The following VAPB variants were observed in gnomAD, a reference collection of about 807,000 sequenced individuals.
The protein encoded by VAPB is vesicle-associated membrane protein-associated protein B/C.
Under a neutral mutation model 25.6 loss-of-function variants are expected in VAPB, and 7 were observed. That is an observed-to-expected ratio of 0.27 (90% confidence interval 0.16 to 0.51). The LOEUF (loss-of-function observed/expected upper bound fraction) is 0.51, where lower values mean the gene tolerates loss of function less well. Ranked by LOEUF, VAPB falls within the 20% of genes least tolerant of loss-of-function variation. The pLI is 0.97. For missense variants in VAPB, 266 were observed against 301.3 expected (o/e 0.88, Z 0.87); for synonymous variants, 112 against 109.2 (o/e 1.03, Z -0.16).
chr20:58,419,387 T>C (rs1231992532), intron 2 of VAPB, among the ~76,000 whole-genome samples: 1 of 152,236 alleles, frequency 6.6e-6, no homozygotes, highest in Non-Finnish European at 1.5e-5. Context: ...TCTCCCCCTG[T>C]GCTTCTCTTG....
At chr20:58,399,300 CAA>C (rs917896382) in intron 1 of VAPB, among the ~76,000 whole-genome samples, 3 of 120,790 alleles carry the variant, frequency 2.5e-5, no homozygotes, top group African/African-American at 6.2e-5. Flanking sequence ...AACTCCGTCT[CAA>C]AAAAAAAAAA....
At position 58,389,262 on chromosome 20, in the gene VAPB, G is replaced by T; in HGVS notation, c.-198G>T. The T allele has an allele frequency of 1.5e-6, 1 of 672,422 alleles. No individual in the cohort carries two copies. The highest frequency in any genetic ancestry group is 2.7e-6 in the Non-Finnish European group (1 of 373,036). 41.7% of individuals were successfully genotyped at this position (672,422 alleles called of 1,614,324 possible). On this transcript the variant is annotated 5_prime_UTR_variant, in exon 1 of 6. Transcript: ENST00000475243. Reference sequence around the variant, plus strand: ...TCAGCTCGCCGGGCACCGCGGCCTCGCCCTCGCCCTCCGCCCCTGCGCCTG... The same window carrying T: ...TCAGCTCGCCGGGCACCGCGGCCTCTCCCTCGCCCTCCGCCCCTGCGCCTG...
At chr20:58,411,137 C>G (rs1422068143) in intron 1 of VAPB, among the ~76,000 whole-genome samples, 1 of 152,212 alleles carries the variant, frequency 6.6e-6, no homozygotes. Context: ...CACCGTTTTT[C>G]ATTCCCACCA....
chr20:58,434,646 C>G lies in VAPB; in HGVS notation c.256C>G (p.His86Asp). The G allele has an allele frequency of 6.2e-7, 1 of 1,601,260 alleles. No individual in the cohort carries two copies. Among genetic ancestry groups the G allele is most frequent in the Non-Finnish European group, 8.6e-7 (1 of 1,168,710 alleles). ...TTATGATCCCAATGAGAAAAGTAAA[C>G]ACAAGTTTATGGTTCAGTCTATGTT... ...FDYDPNEKSKHKFMVQSMFAP... is the reference protein window; with the variant it reads ...FDYDPNEKSKDKFMVQSMFAP... The change falls in exon 3 of 6, where the codon CAC (histidine) becomes GAC (aspartate). Residue 86 changes from histidine to aspartate, a missense_variant. Around this residue, in one of 3 missense-constraint regions of VAPB, gnomAD observed 98 missense variants for 147.1 expected, o/e 0.67. Transcript: ENST00000475243.
Position 58,434,108 on chromosome 20 carries a change from A to T in VAPB, c.212-494A>T, listed in dbSNP as rs560280391. Among the ~76,000 whole-genome samples the T allele has an allele frequency of 5.3e-5, 8 of 152,306 alleles. No homozygotes were observed. In the South Asian group the frequency reaches 1.5e-3, roughly 28 times the overall value. ...CTGATTGTAAAAATTTTCTAGCTTT[A>T]TGTTGGCAAAATTGTATTTCAAGGA... On this transcript the variant is annotated intron_variant, in intron 2 of 5. Coordinates refer to ENST00000475243, the MANE Select transcript of VAPB (RefSeq NM_004738.5).
rs1172185375 is a variant in VAPB at position 58,450,405 on chromosome 20, A to G, written c.*6170A>G. On this transcript the variant is annotated 3_prime_UTR_variant, in exon 6 of 6. Coordinates refer to ENST00000475243, the MANE Select transcript of VAPB (RefSeq NM_004738.5). Reference sequence around the variant, plus strand: ...GCGAAATTAGTGGGCGTGGCTTTTTATATTTTTCATTCGTGTGTAGCCTAA... The same window carrying G: ...GCGAAATTAGTGGGCGTGGCTTTTTGTATTTTTCATTCGTGTGTAGCCTAA... 2.2e-6 allele frequency: 1 copy of G among 454,004 alleles called. No individual in the cohort carries two copies. The highest frequency in any genetic ancestry group is 6.9e-5 in the East Asian group (1 of 14,398). The allele number at this position is 454,004 out of a possible 1,614,324, so 28.1% of individuals were successfully genotyped here. A position where few individuals can be genotyped will look rare whatever the true frequency, so the allele number is the denominator to read the frequency against.
intron 3 of VAPB, among the ~76,000 whole-genome samples, chr20:58,436,769 A>G (rs1488214780): frequency 6.6e-6 from 1 of 152,172 alleles, no homozygotes; most frequent in Non-Finnish European, 1.5e-5. Flanking sequence ...TCTGTCACAA[A>G]CTTTCTTATT....
intron 1 of VAPB, among the ~76,000 whole-genome samples, chr20:58,413,890 A>C (rs1988450221): frequency 8.5e-6 from 1 of 117,672 alleles, no homozygotes; most frequent in East Asian, 2.8e-4. Context: ...ACTTCCCAGT[A>C]GGGGCGGCCG....
intron 1 of VAPB, among the ~76,000 whole-genome samples, chr20:58,407,212 C>G (rs902424645): frequency 6.6e-6 from 1 of 152,138 alleles, no homozygotes; most frequent in Non-Finnish European, 1.5e-5. Context: ...CAGTATTTAT[C>G]TTTAGATGGT....
chr20:58,393,737 TTTTG>T (rs869173547), intron 1 of VAPB, among the ~76,000 whole-genome samples: 3 of 151,656 alleles, frequency 2.0e-5, no homozygotes, highest in East Asian at 1.9e-4. Context: ...TTTTGTTTTG[TTTTG>T]TTTTTTTTGA....
rs1989219169 is a variant in VAPB at position 58,444,057 on chromosome 20, A to G, written c.574-20A>G. On this transcript the variant is annotated intron_variant, in intron 5 of 5. Transcript: ENST00000475243. ...TCTGGTGCCTTGGCTTGTCTTTGAA[A>G]TGTGCGTTTGCTCCCGTAGGAAGAA... The G allele has an allele frequency of 6.2e-7, 1 of 1,614,086 alleles. No homozygotes were observed.
intron 3 of VAPB, among the ~76,000 whole-genome samples, chr20:58,436,489 A>G (rs1989049491): frequency 6.6e-6 from 1 of 151,456 alleles, no homozygotes; most frequent in Non-Finnish European, 1.5e-5. Context: ...GCGCACCACC[A>G]TGCCTGGCTA....
Position 58,448,960 on chromosome 20 carries a change from A to G in VAPB, c.*4725A>G, listed in dbSNP as rs781611963. On this transcript the variant is annotated 3_prime_UTR_variant, in exon 6 of 6. Transcript: ENST00000475243. ...AATTAAATGTGAATGAGGGCAGTTG[A>G]TTAAAATTGGTATTACAGAAGGGCC... 1 of 454,120 alleles carries G rather than the reference A, an allele frequency of 2.2e-6. No individual in the cohort carries two copies. Among genetic ancestry groups the G allele is most frequent in the South Asian group, 1.6e-5 (1 of 64,478 alleles). The allele number at this position is 454,120 out of a possible 1,614,324, so 28.1% of individuals were successfully genotyped here.
intron 1 of VAPB, among the ~76,000 whole-genome samples, chr20:58,411,087 T>G (rs1329957529): frequency 6.6e-6 from 1 of 152,150 alleles, no homozygotes; most frequent in East Asian, 1.9e-4. Flanking sequence ...TATGTTTAGT[T>G]TTGTAAGAAA....
At chr20:58,390,243 A>G (rs1374633781) in intron 1 of VAPB, 1 of 152,246 alleles carries the variant, frequency 6.6e-6, no homozygotes, top group African/African-American at 2.4e-5. Context: ...GGAGGCTGCC[A>G]CGGTGCTGGG....
In VAPB at chr20:58,444,427, A is replaced by G. The variant is rs2123105565; in HGVS notation, c.*192A>G. 1 of 803,680 alleles carries G rather than the reference A, an allele frequency of 1.2e-6. No homozygotes were observed. Among genetic ancestry groups the G allele is most frequent in the East Asian group, 2.7e-5 (1 of 37,248 alleles). 49.8% of individuals were successfully genotyped at this position (803,680 alleles called of 1,614,324 possible). ...AATATAATGTAACGATCTTTTAGAA[A>G]GTTAAAAATGTATAGTAACTGATTG... On this transcript the variant is annotated 3_prime_UTR_variant, in exon 6 of 6. Coordinates refer to ENST00000475243, the MANE Select transcript of VAPB (RefSeq NM_004738.5).
At chr20:58,437,130 T>A (rs1229656367) in intron 3 of VAPB, among the ~76,000 whole-genome samples, 1 of 150,508 alleles carries the variant, frequency 6.6e-6, no homozygotes, top group South Asian at 2.1e-4. Flanking sequence ...CCATGCCGGC[T>A]ATTTTTTTAT....
chr20:58,433,732 C>T (rs1167863930), intron 2 of VAPB, among the ~76,000 whole-genome samples: 4 of 152,198 alleles, frequency 2.6e-5, no homozygotes, highest in Non-Finnish European at 5.9e-5. Flanking sequence ...AGGGACAGAG[C>T]CCAGTTTCTG....
In VAPB at chr20:58,418,248, T is replaced by C. The variant is rs1988591817; in HGVS notation, c.96T>C (p.Leu32=). ...FTDVVTTNLK[L]GNPTDRNVCF... ...ATGTTGTCACCACCAACCTAAAGCT[T>C]GGCAACCCGACAGACCGAAATGTGT... The change falls in exon 2 of 6, where the codon CTT becomes CTC. Residue 32 remains leucine (L), a synonymous_variant. Coordinates refer to ENST00000475243, the MANE Select transcript of VAPB (RefSeq NM_004738.5). 2.5e-6 allele frequency: 4 copies of C among 1,614,034 alleles called. No individual in the cohort carries two copies. The highest frequency in any genetic ancestry group is 3.4e-6 in the Non-Finnish European group (4 of 1,180,020).
Sources: allele counts gnomAD v4.1 joint callset (sites outside exome capture counted in the v4.1 genomes callset), GRCh38; gene constraint gnomAD v4.1.1; regional missense constraint gnomAD v4.1.1; transcripts MANE v1.5; gene names NCBI Gene and HGNC (gene_info 2026-07-23, HGNC 2026-07-21).